ZC4H2: variants seen among roughly 807,000 people sequenced by gnomAD.
ZC4H2 encodes the protein zinc finger C4H2-type containing, also known as zinc finger C4H2 domain-containing protein.
For synonymous variants in ZC4H2, 84 were observed against 66.3 expected, an observed-to-expected ratio of 1.27 and a Z score of -1.30; for missense variants, 137 against 173.9, an observed-to-expected ratio of 0.79 and a Z score of 1.19.
intron 1 of ZC4H2, among the ~76,000 whole-genome samples, chrX:64,936,664 A>T (rs1299949788): frequency 9.0e-6 from 1 of 111,144 alleles, no homozygotes; most frequent in African/African-American, 3.3e-5. Context: ...TTTCATATCC[A>T]CCCAAACTAA....
chrX:64,925,092 G>T (rs1487629582), intron 1 of ZC4H2, among the ~76,000 whole-genome samples: 1 of 111,135 alleles, frequency 9.0e-6, no homozygotes, highest in East Asian at 2.9e-4. Context: ...GCACATGGTG[G>T]GCAGTCAACA....
chrX:65,023,389 C>T (rs764747977), intron 1 of ZC4H2, among the ~76,000 whole-genome samples: 1 of 111,695 alleles, frequency 9.0e-6, no homozygotes, highest in Non-Finnish European at 1.9e-5. Context: ...ACTTCCAATA[C>T]TATGTTAAAT....
intron 1 of ZC4H2, among the ~76,000 whole-genome samples, chrX:64,959,351 T>C (rs1569216798): frequency 9.7e-6 from 1 of 102,730 alleles, no homozygotes; most frequent in Non-Finnish European, 2.0e-5. Context: ...CTTTCTTAGA[T>C]TAGCATTATT....
chrX:64,945,610 T>C (rs929424637), intron 1 of ZC4H2, among the ~76,000 whole-genome samples: 24 of 111,617 alleles, frequency 2.2e-4, no homozygotes, highest in Admixed American at 7.6e-4. Context: ...TCTAGCACTC[T>C]GATGGGAGAT....
intron 1 of ZC4H2, among the ~76,000 whole-genome samples, chrX:64,984,166 C>T (rs1932135233): frequency 9.0e-6 from 1 of 111,214 alleles, no homozygotes; most frequent in Admixed American, 9.6e-5. Flanking sequence ...GTTTAGTTTC[C>T]ACTTATAAGT....
chrX:64,949,668 G>A (rs1312163618), intron 1 of ZC4H2, among the ~76,000 whole-genome samples: 1 of 111,700 alleles, frequency 9.0e-6, no homozygotes, highest in Non-Finnish European at 1.9e-5. Flanking sequence ...ATGGTAGTTT[G>A]TATTTCTGTG....
chrX:64,955,161 T>G (rs766507498), intron 1 of ZC4H2, among the ~76,000 whole-genome samples: 1 of 111,939 alleles, frequency 8.9e-6, no homozygotes, highest in African/African-American at 3.2e-5. Context: ...CAATATTTGG[T>G]TTGTCACACC....
intron 1 of ZC4H2, among the ~76,000 whole-genome samples, chrX:65,031,305 CT>C (rs1932931701): frequency 8.9e-6 from 1 of 112,104 alleles, no homozygotes; most frequent in African/African-American, 3.2e-5. Flanking sequence ...ACATCATGCA[CT>C]TTCAAATTTT....
chrX:65,025,314 T>G (rs1932870219), intron 1 of ZC4H2, among the ~76,000 whole-genome samples: 1 of 109,879 alleles, frequency 9.1e-6, no homozygotes, highest in South Asian at 4.0e-4. Context: ...TCTGGCTAGT[T>G]TTTTTAAATA....
intron 1 of ZC4H2, among the ~76,000 whole-genome samples, chrX:64,937,009 G>C (rs1338173287): frequency 2.7e-5 from 3 of 110,492 alleles, no homozygotes; most frequent in South Asian, 4.0e-4. Flanking sequence ...TCAGTGTGCT[G>C]TATTCAGGGG....
intron 1 of ZC4H2, among the ~76,000 whole-genome samples, chrX:64,942,491 C>A (rs1266041621): frequency 9.8e-6 from 1 of 101,578 alleles, no homozygotes; most frequent in Admixed American, 1.1e-4. Flanking sequence ...GCCCCCCCAC[C>A]CCCCAACAGG....
At chrX:64,947,187 T>G (rs1052759881) in intron 1 of ZC4H2, among the ~76,000 whole-genome samples, 4 of 112,550 alleles carry the variant, frequency 3.6e-5, no homozygotes, top group African/African-American at 1.3e-4. Flanking sequence ...ATTTTATTAA[T>G]GTCACACAAC....
intron 1 of ZC4H2, among the ~76,000 whole-genome samples, chrX:64,934,866 C>T (rs1929921223): frequency 8.9e-6 from 1 of 111,995 alleles, no homozygotes; most frequent in South Asian, 3.7e-4. Flanking sequence ...GGTGCCTACA[C>T]CACCAGGACC....
chrX:65,024,636 A>G (rs1356459710), intron 1 of ZC4H2, among the ~76,000 whole-genome samples: 1 of 112,076 alleles, frequency 8.9e-6, no homozygotes, highest in African/African-American at 3.2e-5. Context: ...GAAGACATGG[A>G]ATCAATCCAG....
chrX:64,929,032 G>T (rs766506507), intron 1 of ZC4H2, among the ~76,000 whole-genome samples: 8 of 108,251 alleles, frequency 7.4e-5, no homozygotes, highest in Non-Finnish European at 1.3e-4. Context: ...GGGACCACAA[G>T]CATAAGCCAC....
chrX:64,929,418 G>A (rs1158778499), intron 1 of ZC4H2, among the ~76,000 whole-genome samples: 1 of 111,822 alleles, frequency 8.9e-6, no homozygotes, highest in Non-Finnish European at 1.9e-5. Flanking sequence ...TGATTTTGGA[G>A]TCTTAGTCAT....
At chrX:64,959,933 C>G in intron 1 of ZC4H2, among the ~76,000 whole-genome samples, 1 of 111,052 alleles carries the variant, frequency 9.0e-6, no homozygotes, top group Non-Finnish European at 1.9e-5. Context: ...TGAGAAATAA[C>G]CTTGACTTTC....
At chrX:65,031,540 A>G (rs1237375267) in intron 1 of ZC4H2, among the ~76,000 whole-genome samples, 1 of 111,847 alleles carries the variant, frequency 8.9e-6, no homozygotes, top group Non-Finnish European at 1.9e-5. Context: ...GGAAAAAAAA[A>G]AGAAATGAAA....
intron 1 of ZC4H2, chrX:64,965,640 C>T (rs962994376): frequency 1.6e-5 from 4 of 249,907 alleles, no homozygotes; most frequent in African/African-American, 8.8e-5. Context: ...TCTTCATCAA[C>T]ATTAAAAGTT....
Sources: allele counts gnomAD v4.1 joint callset (sites outside exome capture counted in the v4.1 genomes callset), GRCh38; gene constraint gnomAD v4.1.1; transcripts MANE v1.5; gene names NCBI Gene and HGNC (gene_info 2026-07-23, HGNC 2026-07-21).